SEMA6D: variants seen among roughly 807,000 people sequenced by gnomAD.
SEMA6D encodes semaphorin 6D.
In SEMA6D, 35 loss-of-function variants were observed where a neutral mutation model predicts 106.6. The ratio of observed to expected loss-of-function variants is 0.33; its 90% CI spans 0.25 to 0.44. The LOEUF is 0.44. Ranked by LOEUF, SEMA6D falls within the 20% of genes least tolerant of loss-of-function variation. The pLI, the probability that SEMA6D is intolerant of heterozygous loss-of-function variation, is 1.00. For synonymous variants in SEMA6D, 499 were observed against 487.7 expected, an observed-to-expected ratio of 1.02 and a Z score of -0.31; for missense variants, 1,185 against 1,345.9, an observed-to-expected ratio of 0.88 and a Z score of 1.87.
chr15:47,250,726 G>A (rs183592218), intron 1 of SEMA6D, among the ~76,000 whole-genome samples: 16 of 152,328 alleles, frequency 1.1e-4, no homozygotes, highest in African/African-American at 3.6e-4. Flanking sequence ...AGTGGAATGA[G>A]CCACCCCAGA....
rs536567867 is a variant in SEMA6D, at chr15:47,278,934, C to T, written c.-239+94516C>T. ...AGATCAGATAGTTGTAGATATGCGGCGTTATTTCTGAGGGCTCTGTTCTGT... is the reference window on the plus strand; with the variant it reads ...AGATCAGATAGTTGTAGATATGCGGTGTTATTTCTGAGGGCTCTGTTCTGT... On this transcript the variant is annotated intron_variant, in intron 1 of 19. Coordinates refer to the SEMA6D transcript ENST00000558014. Among the ~76,000 whole-genome samples, 482 of 145,688 alleles carry T rather than the reference C, an allele frequency of 3.3e-3. 1 individual carries two copies. Among genetic ancestry groups the T allele is most frequent in the African/African-American group, 0.012 (458 of 38,668 alleles).
intron 3 of SEMA6D, among the ~76,000 whole-genome samples, chr15:47,522,118 G>T (rs2044602431): frequency 6.6e-6 from 1 of 152,198 alleles, no homozygotes; most frequent in South Asian, 2.1e-4. Flanking sequence ...AGCTCTGTGG[G>T]CATCAGATCA....
intron 4 of SEMA6D, among the ~76,000 whole-genome samples, chr15:47,679,882 T>G (rs1302545262): frequency 6.6e-6 from 1 of 152,182 alleles, no homozygotes; most frequent in African/African-American, 2.4e-5. Context: ...TTAGGTGATT[T>G]GCCTGAGTGG....
At chr15:47,230,046 AT>A (rs779907123) in intron 1 of SEMA6D, among the ~76,000 whole-genome samples, 8 of 152,020 alleles carry the variant, frequency 5.3e-5, no homozygotes, top group Non-Finnish European at 1.0e-4. Flanking sequence ...CTGAAGTTTT[AT>A]TTTTATTTGC....
intron 4 of SEMA6D, among the ~76,000 whole-genome samples, chr15:47,675,844 A>G (rs937256537): frequency 6.7e-6 from 1 of 149,576 alleles, no homozygotes; most frequent in Non-Finnish European, 1.5e-5. Context: ...CCTGTACTGC[A>G]GGGAAGCTGG....
At chr15:47,511,440 G>A (rs981496704) in intron 3 of SEMA6D, among the ~76,000 whole-genome samples, 2 of 152,130 alleles carry the variant, frequency 1.3e-5, no homozygotes, top group Non-Finnish European at 2.9e-5. Context: ...ACTTGACCGG[G>A]ATTGGACAGT....
chr15:47,568,297 A>G (rs2046287576), intron 3 of SEMA6D, among the ~76,000 whole-genome samples: 1 of 152,080 alleles, frequency 6.6e-6, no homozygotes, highest in Admixed American at 6.6e-5. Flanking sequence ...TCATCTTTGT[A>G]GCAATGTCTA....
At chr15:47,474,281 C>T (rs930350583) in intron 3 of SEMA6D, among the ~76,000 whole-genome samples, 1 of 152,154 alleles carries the variant, frequency 6.6e-6, no homozygotes, top group Admixed American at 6.5e-5. Flanking sequence ...CAATTGGAGT[C>T]AGAATATCTT....
intron 3 of SEMA6D, among the ~76,000 whole-genome samples, chr15:47,498,809 G>A (rs770832293): frequency 6.6e-6 from 1 of 152,126 alleles, no homozygotes; most frequent in Non-Finnish European, 1.5e-5. Context: ...GGAGAATCGT[G>A]AGAAAGACAG....
chr15:47,645,609 G>A (rs1274354557), intron 4 of SEMA6D, among the ~76,000 whole-genome samples: 5 of 151,748 alleles, frequency 3.3e-5, no homozygotes, highest in East Asian at 1.9e-4. Context: ...GTACCTCAGC[G>A]GACACCAGCT....
chr15:47,711,913 T>A (rs1732729885), intron 4 of SEMA6D, among the ~76,000 whole-genome samples: 1 of 152,092 alleles, frequency 6.6e-6, no homozygotes, highest in African/African-American at 2.4e-5. Flanking sequence ...AATGTAGGGG[T>A]TTTTGGGTGT....
chr15:47,653,449 C>CT (rs1196399644), intron 4 of SEMA6D, among the ~76,000 whole-genome samples: 1 of 152,210 alleles, frequency 6.6e-6, no homozygotes, highest in African/African-American at 2.4e-5. Context: ...AATGCCAACT[C>CT]TTTCATAGCA....
intron 2 of SEMA6D, among the ~76,000 whole-genome samples, chr15:47,427,961 G>T (rs1007604400): frequency 6.6e-6 from 1 of 152,008 alleles, no homozygotes; most frequent in Admixed American, 6.6e-5. Flanking sequence ...AAATAGAATG[G>T]GGTATACGAA....
intron 1 of SEMA6D, among the ~76,000 whole-genome samples, chr15:47,211,334 A>G (rs765639816): frequency 8.5e-5 from 13 of 152,196 alleles, no homozygotes; most frequent in South Asian, 4.1e-4. Flanking sequence ...TTTAATGGCT[A>G]CATGATGTTC....
At chr15:47,766,545 C>A in intron 15 of SEMA6D, 71 bp from the exon 16 acceptor site, 2 of 1,392,244 alleles carry the variant, frequency 1.4e-6, no homozygotes, top group Non-Finnish European at 2.0e-6. Flanking sequence ...GTTCTTGGTT[C>A]TGCTCTGGTT....
chr15:47,407,418 C>CAACAAAAACAAAAAAAAAAAA (rs2040628956), intron 1 of SEMA6D, among the ~76,000 whole-genome samples: 1 of 97,830 alleles, frequency 1.0e-5, no homozygotes, highest in Non-Finnish European at 2.1e-5. Context: ...ACAAAAAAAA[C>CAACAAAAACAAAAAAAAAAAA]AAAAAAAACA....
chr15:47,663,903 A>G (rs1206293623), intron 4 of SEMA6D, among the ~76,000 whole-genome samples: 3 of 152,108 alleles, frequency 2.0e-5, no homozygotes, highest in Non-Finnish European at 4.4e-5. Context: ...GCCCGTGGAC[A>G]CTCAGACTAC....
chr15:47,480,517 C>T (rs2043126161), intron 3 of SEMA6D, among the ~76,000 whole-genome samples: 1 of 152,158 alleles, frequency 6.6e-6, no homozygotes, highest in Admixed American at 6.6e-5. Context: ...CCTCTGCATT[C>T]GTCAGCTTCC....
At chr15:47,725,036 C>T (rs984024911) in intron 1 of SEMA6D, among the ~76,000 whole-genome samples, 7 of 152,112 alleles carry the variant, frequency 4.6e-5, no homozygotes, top group African/African-American at 1.7e-4. Flanking sequence ...TTTTCTTAAA[C>T]TTGAAAAGGC....
Sources: gnomAD v4.1 joint callset for allele counts (sites outside exome capture counted in the v4.1 genomes callset) on GRCh38, gnomAD v4.1.1 for gene constraint, MANE v1.5 for transcripts, NCBI Gene and HGNC (gene_info 2026-07-23, HGNC 2026-07-21) for gene names.